Variants in LYZL2 observed in about 807,000 individuals in gnomAD.
The protein encoded by LYZL2 is lysozyme like 2.
In LYZL2, 13 loss-of-function variants were observed where a neutral mutation model predicts 17.1. The ratio of observed to expected loss-of-function variants is 0.76; its 90% CI spans 0.49 to 1.21. The LOEUF (loss-of-function observed/expected upper bound fraction) is 1.21, where lower values mean the gene tolerates loss of function less well. Among genes scored for constraint, LYZL2 ranks in the 50% most tolerant of loss-of-function variants. The pLI is 0.00. For missense variants in LYZL2, 166 were observed against 189.2 expected (o/e 0.88, Z 0.72); for synonymous variants, 63 against 74.4 (o/e 0.85, Z 0.79).
downstream of LYZL2, among the ~76,000 whole-genome samples, chr10:30,609,331 G>A (rs1426710628): frequency 7.9e-5 from 12 of 152,218 alleles, no homozygotes; most frequent in Admixed American, 5.2e-4. Flanking sequence ...TAGGGGGTTA[G>A]AGGAGCAGGG....
At chr10:30,629,057 G>A (rs1203144328) in intron 1 of LYZL2, among the ~76,000 whole-genome samples, 1 of 152,200 alleles carries the variant, frequency 6.6e-6, no homozygotes, top group Non-Finnish European at 1.5e-5. Flanking sequence ...GTGGTGTACA[G>A]CATTGTGCTA....
the LYZL2 span, among the ~76,000 whole-genome samples, chr10:30,606,560 T>C: frequency 1.3e-5 from 2 of 152,168 alleles, no homozygotes; most frequent in East Asian, 1.9e-4. Flanking sequence ...GTTTGTGCCA[T>C]GTGCTTCTAA....
downstream of LYZL2, among the ~76,000 whole-genome samples, chr10:30,611,583 G>GAAAGAAAT (rs1838439606): frequency 8.7e-6 from 1 of 114,350 alleles, no homozygotes; most frequent in African/African-American, 3.8e-5. Context: ...AAGAAAGAAA[G>GAAAGAAAT]AAAGAAAGAA....
At chr10:30,622,045 C>T (rs2659496) in intron 3 of LYZL2, among the ~76,000 whole-genome samples, 109,674 of 152,058 alleles carry the variant, frequency 0.72, 40,434 homozygotes, top group African/African-American at 0.8. Context: ...TGGTGTGTTA[C>T]TTGAAGGTAA....
In LYZL2 at chr10:30,617,187, G is replaced by A. The variant is rs191542230; in HGVS notation, c.299-4287C>T. On this transcript the variant is annotated intron_variant, in intron 3 of 4. Coordinates refer to ENST00000647634, the MANE Select transcript of LYZL2 (RefSeq NM_183058.3). The stretch of plus-strand genomic sequence containing the variant: ...GTCATCCCAGGCATGTACAGAAAGT[G>A]CACATTTGTACTGGGGGCAGGGCAG... 1.1e-3 allele frequency among the ~76,000 whole-genome samples: 172 copies of A among 152,202 alleles called. 2 individuals carry two copies. The highest frequency in any genetic ancestry group is 4.0e-3 in the African/African-American group (166 of 41,516).
chr10:30,618,302 C>A (rs1838567114), intron 3 of LYZL2, among the ~76,000 whole-genome samples: 2 of 152,188 alleles, frequency 1.3e-5, no homozygotes, highest in South Asian at 4.1e-4. Flanking sequence ...CAATGACTTT[C>A]TTCACAGAAT....
intron 3 of LYZL2, among the ~76,000 whole-genome samples, chr10:30,614,842 G>A (rs968414981): frequency 6.6e-6 from 1 of 152,134 alleles, no homozygotes; most frequent in African/African-American, 2.4e-5. Context: ...TAAGGAAATA[G>A]TCATGACACT....
In LYZL2 at chr10:30,626,127, G is replaced by A. The variant is rs535943631; in HGVS notation, c.276C>T (p.Asn92=). The A allele has an allele frequency of 8.1e-6, 13 of 1,614,234 alleles. No individual in the cohort carries two copies. The South Asian group carries it at 1.1e-4, about 14-fold the overall frequency. Residue 92 remains asparagine, a synonymous_variant, in exon 3 of 5, where the codon AAC becomes AAT. Coordinates refer to ENST00000647634, the MANE Select transcript of LYZL2 (RefSeq NM_183058.3). ...CACCTGAGCAGGCGACGTGGCAGTG[G>A]TTGTTCTCCTTCAGCTTTCCGCGTC... ...WCRRGKLKEN[N]HCHVACSALV...
In LYZL2 at chr10:30,626,186, C is replaced by T. The variant is rs749132676; in HGVS notation, c.217G>A (p.Gly73Ser). 1.2e-5 allele frequency: 19 copies of T among 1,614,096 alleles called. No homozygotes were observed. The highest frequency in any genetic ancestry group is 3.3e-5 in the Admixed American group (2 of 60,008). The change falls in exon 3 of 5, where the codon GGC becomes AGC. Residue 73 changes from glycine to serine, a missense_variant. Physicochemically the swap from Gly to Ser is moderately conservative, Grantham distance 56. Coordinates refer to ENST00000647634, the MANE Select transcript of LYZL2 (RefSeq NM_183058.3). ...GCGAAGCTGTTGATCTGGAAGATGCCGTAGTCGATGCTGCCGTCATCCAGG... is the reference window on the plus strand; with the variant it reads ...GCGAAGCTGTTGATCTGGAAGATGCTGTAGTCGATGCTGCCGTCATCCAGG... ...TVLDDGSIDY[G>S]IFQINSFAWC...
At chr10:30,619,208 A>G (rs548511024) in intron 3 of LYZL2, among the ~76,000 whole-genome samples, 3,400 of 152,292 alleles carry the variant, frequency 0.022, 41 homozygotes, top group Non-Finnish European at 0.035. Flanking sequence ...GAGAAATAGG[A>G]ACACTTTTAC....
At chr10:30,625,344 T>C (rs1838685445) in intron 3 of LYZL2, among the ~76,000 whole-genome samples, 2 of 152,316 alleles carry the variant, frequency 1.3e-5, no homozygotes, top group South Asian at 2.1e-4. Context: ...TGAGATTGGA[T>C]TGGCTCCACC....
intron 1 of LYZL2, 94 bp from the exon 2 acceptor site, chr10:30,627,034 C>T: frequency 6.5e-7 from 1 of 1,537,610 alleles, no homozygotes; most frequent in Non-Finnish European, 8.8e-7. Context: ...CTAGATGCTG[C>T]CTGTCACTTT....
intron 3 of LYZL2, among the ~76,000 whole-genome samples, chr10:30,620,618 G>A (rs1838605074): frequency 6.6e-6 from 1 of 152,178 alleles, no homozygotes; most frequent in Non-Finnish European, 1.5e-5. Context: ...ATTATTCCAT[G>A]CGCAGAGGCA....
chr10:30,623,583 A>G (rs1440644552), intron 3 of LYZL2, among the ~76,000 whole-genome samples: 2 of 152,152 alleles, frequency 1.3e-5, no homozygotes, highest in East Asian at 1.9e-4. Flanking sequence ...TGTGAACTCT[A>G]CTGTGAACTG....
downstream of LYZL2, among the ~76,000 whole-genome samples, chr10:30,609,393 A>G (rs7902622): frequency 0.18 from 27,282 of 152,132 alleles, 3,163 homozygotes; most frequent in African/African-American, 0.34. Context: ...GAGAAGCACA[A>G]CCTCCAAGTT....
At chr10:30,614,600 C>A (rs1324954696) in intron 3 of LYZL2, among the ~76,000 whole-genome samples, 2 of 152,202 alleles carry the variant, frequency 1.3e-5, no homozygotes, top group East Asian at 3.9e-4. Context: ...GACAAAAATA[C>A]TCAAACCACT....
chr10:30,616,725 GTT>G (rs1351643862), intron 3 of LYZL2, among the ~76,000 whole-genome samples: 4 of 152,104 alleles, frequency 2.6e-5, no homozygotes, highest in African/African-American at 7.2e-5. Flanking sequence ...CATAAACCAA[GTT>G]CACACACTCA....
At chr10:30,629,089 G>A (rs372920) in intron 1 of LYZL2, among the ~76,000 whole-genome samples, 86,423 of 152,034 alleles carry the variant, frequency 0.57, 27,246 homozygotes, top group East Asian at 0.71. Flanking sequence ...ACAGACAAAC[G>A]AGGTTTAAGA....
At chr10:30,627,996 A>G (rs1462121641) in intron 1 of LYZL2, among the ~76,000 whole-genome samples, 3 of 152,152 alleles carry the variant, frequency 2.0e-5, no homozygotes, top group Non-Finnish European at 2.9e-5. Context: ...CGTCTCTACT[A>G]AAAATACAAA....
Sources: allele counts gnomAD v4.1 joint callset (sites outside exome capture counted in the v4.1 genomes callset), GRCh38; gene constraint gnomAD v4.1.1; transcripts MANE v1.5; gene names NCBI Gene and HGNC (gene_info 2026-07-23, HGNC 2026-07-21).